CDH12: variants seen among roughly 807,000 people sequenced by gnomAD.
CDH12 encodes cadherin-12.
Under a neutral mutation model 74.1 loss-of-function variants are expected in CDH12, and 41 were observed. The ratio of observed to expected loss-of-function variants is 0.55; its 90% CI spans 0.43 to 0.72. CDH12 has a LOEUF of 0.72. Among genes scored for constraint, CDH12 ranks in the 30% least tolerant of loss-of-function variants. CDH12 has a pLI of 0.00. For synonymous variants in CDH12, 399 were observed against 355.0 expected (o/e 1.12, Z -1.39); for missense variants, 945 against 977.2 (o/e 0.97, Z 0.44).
chr5:22,346,766 T>C (rs1740133220), intron 3 of CDH12, among the ~76,000 whole-genome samples: 1 of 152,166 alleles, frequency 6.6e-6, no homozygotes. Context: ...TATTCATGTA[T>C]AGTACAACCT....
chr5:22,317,206 TA>T (rs1738670446), intron 3 of CDH12, among the ~76,000 whole-genome samples: 1 of 152,020 alleles, frequency 6.6e-6, no homozygotes, highest in South Asian at 2.1e-4. Flanking sequence ...TAATCCTAGC[TA>T]CTCGGGAGGC....
intron 6 of CDH12, among the ~76,000 whole-genome samples, chr5:21,880,352 T>C (rs563924141): frequency 3.8e-4 from 58 of 152,370 alleles, no homozygotes; most frequent in Non-Finnish European, 6.8e-4. Flanking sequence ...TATGTCTTTC[T>C]TCTAGACTGT....
At chr5:22,841,678 G>C (rs1737088869) in intron 1 of CDH12, among the ~76,000 whole-genome samples, 1 of 152,130 alleles carries the variant, frequency 6.6e-6, no homozygotes, top group Admixed American at 6.6e-5. Context: ...AGAAGGAATA[G>C]CTAGTGAGGC....
chr5:22,338,754 A>AGCC (rs772498928), intron 3 of CDH12, among the ~76,000 whole-genome samples: 2 of 152,180 alleles, frequency 1.3e-5, no homozygotes, highest in African/African-American at 2.4e-5. Flanking sequence ...AAATTTAAAA[A>AGCC]GAATGTGGCA....
chr5:21,806,709 A>G (rs1049948957), intron 9 of CDH12, among the ~76,000 whole-genome samples: 2 of 152,310 alleles, frequency 1.3e-5, no homozygotes, highest in African/African-American at 4.8e-5. Context: ...CCAAGAGCCT[A>G]TATCTCCCAC....
At chr5:22,597,773 G>A (rs1191320235) in intron 1 of CDH12, among the ~76,000 whole-genome samples, 2 of 152,078 alleles carry the variant, frequency 1.3e-5, no homozygotes, top group Non-Finnish European at 2.9e-5. Context: ...TTGTCTATTA[G>A]GAGTTATCTT....
At chr5:22,628,070 T>A (rs1670367233) in intron 1 of CDH12, among the ~76,000 whole-genome samples, 1 of 152,134 alleles carries the variant, frequency 6.6e-6, no homozygotes, top group African/African-American at 2.4e-5. Context: ...AATATACATA[T>A]GCACCCAACA....
At position 22,054,022 on chromosome 5, in the gene CDH12, C is replaced by T. The variant is rs530786915; in HGVS notation, c.231+24424G>A. Among the ~76,000 whole-genome samples, 10 of 151,946 alleles carry T rather than the reference C, an allele frequency of 6.6e-5. No individual in the cohort carries two copies. In the South Asian group the frequency reaches 1.2e-3, roughly 19 times the overall value. Reference sequence around the variant, plus strand: ...AAGTTAGGCTAGAAGTTGAAGAACACGACTTGTTTTTTTTTAATTTTTATT... The same window carrying T: ...AAGTTAGGCTAGAAGTTGAAGAACATGACTTGTTTTTTTTTAATTTTTATT... On this transcript the variant is annotated intron_variant, in intron 5 of 14. Transcript: ENST00000382254.
At chr5:21,956,780 CT>C (rs1251672138) in intron 6 of CDH12, among the ~76,000 whole-genome samples, 3 of 151,988 alleles carry the variant, frequency 2.0e-5, no homozygotes, top group African/African-American at 7.2e-5. Flanking sequence ...GTCAAGTGTT[CT>C]TATTAAGCAT....
chr5:22,115,441 A>G (rs2150265843), intron 4 of CDH12, among the ~76,000 whole-genome samples: 1 of 152,324 alleles, frequency 6.6e-6, no homozygotes, highest in East Asian at 1.9e-4. Flanking sequence ...TTAGCAGCTA[A>G]AAAGACATTA....
chr5:22,752,728 C>T (rs911051958), intron 1 of CDH12, among the ~76,000 whole-genome samples: 87 of 143,012 alleles, frequency 6.1e-4, no homozygotes, highest in African/African-American at 2.0e-3. Flanking sequence ...CCCGCCACTA[C>T]GCCCGGCTAA....
intron 2 of CDH12, among the ~76,000 whole-genome samples, chr5:22,441,763 G>C (rs1744632674): frequency 6.6e-6 from 1 of 152,050 alleles, no homozygotes; most frequent in African/African-American, 2.4e-5. Context: ...GGAGTGCAGT[G>C]GAACCGTGTT....
chr5:22,186,968 G>C (rs1749991609), intron 4 of CDH12, among the ~76,000 whole-genome samples: 1 of 152,020 alleles, frequency 6.6e-6, no homozygotes, highest in Non-Finnish European at 1.5e-5. Flanking sequence ...TTAAAGTACA[G>C]TTTTAGGGAT....
intron 1 of CDH12, among the ~76,000 whole-genome samples, chr5:22,516,712 T>C (rs1736824336): frequency 2.0e-5 from 3 of 152,068 alleles, no homozygotes; most frequent in Admixed American, 6.6e-5. Flanking sequence ...GGAGGATGAC[T>C]TGAGCCCGGG....
intron 1 of CDH12, among the ~76,000 whole-genome samples, chr5:22,803,057 C>T (rs1450333538): frequency 6.6e-6 from 1 of 152,076 alleles, no homozygotes; most frequent in Non-Finnish European, 1.5e-5. Context: ...AAAGGAAGCC[C>T]AACATCAACT....
intron 1 of CDH12, among the ~76,000 whole-genome samples, chr5:22,833,726 AAAT>A (rs1434741715): frequency 3.3e-5 from 5 of 152,172 alleles, no homozygotes; most frequent in Non-Finnish European, 5.9e-5. Context: ...AAGTTTTTTA[AAAT>A]AATAATCATA....
chr5:22,626,012 T>C (rs1738271199), intron 1 of CDH12, among the ~76,000 whole-genome samples: 1 of 151,992 alleles, frequency 6.6e-6, no homozygotes, highest in Non-Finnish European at 1.5e-5. Flanking sequence ...ACTGGCAGTG[T>C]CAGTGCATGC....
rs546201160 is a variant in CDH12 at position 21,772,447 on chromosome 5, C to G, written c.1394-7348G>C. ...TTTTCGGAATATTTTATGCTTTATT[C>G]CATTTCTAGAGCTTGATGTATGCTA... On this transcript the variant is annotated intron_variant, in intron 11 of 14. Transcript: ENST00000382254. Among the ~76,000 whole-genome samples the G allele has an allele frequency of 1.3e-4, 20 of 152,090 alleles. No individual in the cohort carries two copies. The South Asian group carries it at 4.2e-3, about 32-fold the overall frequency.
intron 6 of CDH12, among the ~76,000 whole-genome samples, chr5:21,856,049 T>C (rs561454513): frequency 6.6e-6 from 1 of 151,798 alleles, no homozygotes; most frequent in East Asian, 1.9e-4. Flanking sequence ...AAGAAACTTT[T>C]AGAGGGAACT....
Sources: gnomAD v4.1 joint callset for allele counts (sites outside exome capture counted in the v4.1 genomes callset) on GRCh38, gnomAD v4.1.1 for gene constraint, MANE v1.5 for transcripts, NCBI Gene and HGNC (gene_info 2026-07-23, HGNC 2026-07-21) for gene names.